The following NIPBL variants were observed in gnomAD, a reference collection of about 807,000 sequenced individuals.
NIPBL encodes NIPBL cohesin loading factor.
A neutral mutation model predicts 321.8 loss-of-function variants in NIPBL; 19 were observed. The observed-to-expected ratio is 0.06, with a 90% CI of 0.04 to 0.09. NIPBL has a LOEUF of 0.09. Ranked by LOEUF, NIPBL falls within the 10% of genes least tolerant of loss-of-function variation. The pLI, the probability that NIPBL is intolerant of heterozygous loss-of-function variation, is 1.00. For synonymous variants in NIPBL, 1,106 were observed against 1,114.1 expected (o/e 0.99, Z 0.14); for missense variants, 2,210 against 3,327.0 (o/e 0.66, Z 8.26).
intron 1 of NIPBL, among the ~76,000 whole-genome samples, chr5:36,888,787 T>G (rs1247303060): frequency 6.6e-6 from 1 of 152,124 alleles, no homozygotes; most frequent in Non-Finnish European, 1.5e-5. Flanking sequence ...TGCTTGAAAT[T>G]ATTAGTTTAA....
chr5:36,970,059 T>A (rs1742682069), intron 6 of NIPBL, among the ~76,000 whole-genome samples: 1 of 152,114 alleles, frequency 6.6e-6, no homozygotes, highest in South Asian at 2.1e-4. Flanking sequence ...ATAGTGTACA[T>A]CATACAGCAG....
chr5:36,877,160 C>G lies in NIPBL; in HGVS notation c.-98C>G, dbSNP rs1397764241. ...AGCGGCCTCGGCCTCCCCTTGGATTCAGACGCCGATTCGCCCAGGTAAATT... is the reference window on the plus strand; with the variant it reads ...AGCGGCCTCGGCCTCCCCTTGGATTGAGACGCCGATTCGCCCAGGTAAATT... On this transcript the variant is annotated 5_prime_UTR_variant, in exon 1 of 47. Coordinates refer to ENST00000282516, the MANE Select transcript of NIPBL (RefSeq NM_133433.4). 3.4e-6 allele frequency: 1 copy of G among 295,398 alleles called. No homozygotes were observed. Among genetic ancestry groups the G allele is most frequent in the Non-Finnish European group, 6.2e-6 (1 of 161,470 alleles). The allele number at this position is 295,398 out of a possible 1,614,324, so 18.3% of individuals were successfully genotyped here. A position where few individuals can be genotyped will look rare whatever the true frequency, so the allele number is the denominator to read the frequency against.
At position 37,028,090 on chromosome 5, in the gene NIPBL, A is replaced by G. The variant is rs185501286; in HGVS notation, c.5862+678A>G. On this transcript the variant is annotated intron_variant, in intron 32 of 46. Transcript: ENST00000282516. Reference sequence around the variant, plus strand: ...AATTACATGATTTAGTATGTTATGCATAGAATTTCCTTTAGTAGTACAGAG... The same window carrying G: ...AATTACATGATTTAGTATGTTATGCGTAGAATTTCCTTTAGTAGTACAGAG... 1.3e-4 allele frequency among the ~76,000 whole-genome samples: 20 copies of G among 152,198 alleles called. No individual in the cohort carries two copies. The East Asian group carries it at 3.7e-3, about 28-fold the overall frequency.
intron 1 of NIPBL, among the ~76,000 whole-genome samples, chr5:36,913,527 C>G (rs938055050): frequency 4.6e-5 from 7 of 151,852 alleles, no homozygotes; most frequent in Middle Eastern, 6.8e-3. Context: ...ATACTTGGGA[C>G]TACAGATGTG....
In NIPBL at chr5:36,995,686, C is replaced by T; in HGVS notation, c.3186C>T (p.Thr1062=). 2 of 1,613,482 alleles carry T rather than the reference C, an allele frequency of 1.2e-6. No homozygotes were observed. The highest frequency in any genetic ancestry group is 2.2e-5 in the South Asian group (2 of 91,054). ...PPELLAEIES[T]MPLCERVKMN... ...AACTCCTGGCAGAAATTGAGTCCACCATGCCACTTTGTGAACGTGTGAAAA... is the reference window on the plus strand; with the variant it reads ...AACTCCTGGCAGAAATTGAGTCCACTATGCCACTTTGTGAACGTGTGAAAA... Residue 1062 remains threonine (T), a synonymous_variant, in exon 11 of 47, where the codon ACC becomes ACT. Transcript: ENST00000282516.
chr5:36,890,840 A>G (rs1258334369), intron 1 of NIPBL, among the ~76,000 whole-genome samples: 1 of 152,254 alleles, frequency 6.6e-6, no homozygotes, highest in Non-Finnish European at 1.5e-5. Flanking sequence ...CTTAGTCTTA[A>G]TATTTGAAAT....
intron 3 of NIPBL, among the ~76,000 whole-genome samples, chr5:36,956,104 G>T (rs551619273): frequency 6.6e-6 from 1 of 151,434 alleles, no homozygotes; most frequent in East Asian, 1.9e-4. Context: ...GGTGGCGGGC[G>T]CCTGTAGTCC....
At chr5:36,998,241 T>C (rs1324950537) in intron 11 of NIPBL, among the ~76,000 whole-genome samples, 1 of 152,074 alleles carries the variant, frequency 6.6e-6, no homozygotes, top group East Asian at 1.9e-4. Flanking sequence ...TGAGTTGGTA[T>C]CCTAATAACC....
chr5:37,061,909 T>G (rs915659594), intron 45 of NIPBL, among the ~76,000 whole-genome samples: 3 of 152,210 alleles, frequency 2.0e-5, no homozygotes, highest in Admixed American at 6.5e-5. Context: ...TGGCGCGATC[T>G]CGGCTCACCG....
intron 17 of NIPBL, 73 bp downstream of exon 17, chr5:37,006,661 G>T (rs1160591982): frequency 3.3e-6 from 3 of 896,022 alleles, no homozygotes; most frequent in South Asian, 3.0e-5. Context: ...ACTTAAAATG[G>T]CACCAAAATT....
intron 1 of NIPBL, among the ~76,000 whole-genome samples, chr5:36,895,546 T>C (rs1746667532): frequency 6.6e-6 from 1 of 152,204 alleles, no homozygotes; most frequent in Non-Finnish European, 1.5e-5. Context: ...CAGACTGTTT[T>C]CCAAAGAGGT....
chr5:36,913,058 A>C (rs549959529), intron 1 of NIPBL, among the ~76,000 whole-genome samples: 9 of 152,292 alleles, frequency 5.9e-5, no homozygotes, highest in Non-Finnish European at 1.0e-4. Context: ...GTTAAAGGAG[A>C]CTAAAAGAGA....
At chr5:36,974,090 A>G (rs796655282) in intron 8 of NIPBL, among the ~76,000 whole-genome samples, 4 of 152,342 alleles carry the variant, frequency 2.6e-5, no homozygotes, top group African/African-American at 9.6e-5. Context: ...TACATATCCC[A>G]CAAGTGTTGT....
chr5:37,008,040 G>A lies in NIPBL; in HGVS notation c.4272G>A (p.Val1424=). Residue 1424 remains valine, a synonymous_variant, in exon 19 of 47, where the codon GTG becomes GTA. Coordinates refer to ENST00000282516, the MANE Select transcript of NIPBL (RefSeq NM_133433.4). ...VSSMGITPFF[V]ENVSELQLCA... ...CTATGGGAATAACACCATTTTTTGT[G>A]GAAAATGTCAGTGAACTACAGTTGT... is the stretch of plus-strand genomic sequence containing the variant. The A allele has an allele frequency of 6.2e-7, 1 of 1,610,980 alleles. No individual in the cohort carries two copies. Among genetic ancestry groups the A allele is most frequent in the Non-Finnish European group, 8.5e-7 (1 of 1,177,530 alleles).
At chr5:36,885,476 G>T (rs913777612) in intron 1 of NIPBL, 4 of 488,616 alleles carry the variant, frequency 8.2e-6, no homozygotes, top group African/African-American at 5.9e-5. Flanking sequence ...CAACCACCTG[G>T]CCTCCTACCT....
intron 1 of NIPBL, among the ~76,000 whole-genome samples, chr5:36,893,901 A>G (rs1746531023): frequency 6.6e-6 from 1 of 152,176 alleles, no homozygotes; most frequent in African/African-American, 2.4e-5. Flanking sequence ...AATTTGGTAG[A>G]AAAAATTCAG....
intron 1 of NIPBL, among the ~76,000 whole-genome samples, chr5:36,880,870 A>G (rs1745451047): frequency 6.6e-6 from 1 of 152,056 alleles, no homozygotes; most frequent in African/African-American, 2.4e-5. Context: ...TAATGATGAA[A>G]TACTTGACAC....
intron 9 of NIPBL, among the ~76,000 whole-genome samples, chr5:36,979,113 G>A (rs572516638): frequency 6.6e-6 from 1 of 151,786 alleles, no homozygotes; most frequent in African/African-American, 2.4e-5. Flanking sequence ...AGTTTTTCCA[G>A]TTCTTTGAAA....
chr5:37,038,021 A>C (rs1579530646), intron 33 of NIPBL, among the ~76,000 whole-genome samples: 11 of 121,000 alleles, frequency 9.1e-5, no homozygotes, highest in Non-Finnish European at 1.3e-4. Flanking sequence ...ACAGGGTCTC[A>C]CTCTGTCACC....
Sources: allele counts gnomAD v4.1 joint callset (sites outside exome capture counted in the v4.1 genomes callset), GRCh38; gene constraint gnomAD v4.1.1; transcripts MANE v1.5; gene names NCBI Gene and HGNC (gene_info 2026-07-23, HGNC 2026-07-21).